The following PPAT variants were observed in gnomAD, a reference collection of about 807,000 sequenced individuals.
The protein encoded by PPAT is amidophosphoribosyltransferase.
PPAT carries 20 observed loss-of-function variants against 60.2 expected under a neutral mutation model. That is an observed-to-expected ratio of 0.33 (90% CI 0.23 to 0.48). The LOEUF is 0.48. Ranked by LOEUF, PPAT falls within the 20% of genes least tolerant of loss-of-function variation. The pLI, the probability that PPAT is intolerant of heterozygous loss-of-function variation, is 0.99. For synonymous variants in PPAT, 194 were observed against 215.1 expected (o/e 0.90, Z 0.86); for missense variants, 349 against 629.6 (o/e 0.55, Z 4.77).
intron 1 of PPAT, among the ~76,000 whole-genome samples, chr4:56,409,647 C>T (rs529915091): frequency 1.3e-5 from 2 of 152,264 alleles, no homozygotes; most frequent in East Asian, 1.9e-4. Context: ...AGTATAAACT[C>T]TCATAAAGGT....
chr4:56,406,354 A>G (rs1210843059), intron 3 of PPAT, 141 bp downstream of exon 3: 3 of 839,018 alleles, frequency 3.6e-6, no homozygotes, highest in East Asian at 5.3e-5. Context: ...ACTCCAGATC[A>G]TTCTGATGCA....
chr4:56,422,750 T>C (rs1399213885), intron 1 of PPAT: 1 of 152,178 alleles, frequency 6.6e-6, no homozygotes, highest in Non-Finnish European at 1.5e-5. Flanking sequence ...AATTATGTTA[T>C]AACATTATAT....
Position 56,393,759 on chromosome 4 carries a change from G to C in PPAT, c.*1593C>G, listed in dbSNP as rs1046545546. 1 of 152,530 alleles carries C rather than the reference G, an allele frequency of 6.6e-6. No homozygotes were observed. The highest frequency in any genetic ancestry group is 2.4e-5 in the African/African-American group (1 of 41,400). 9.4% of individuals were successfully genotyped at this position (152,530 alleles called of 1,614,324 possible). ...CTCTTGTTTTAAAAATCAAAGTAAG[G>C]CCAGTTCAAAATTGACCCACAGGTC... On this transcript the variant is annotated 3_prime_UTR_variant, in exon 11 of 11. Transcript: ENST00000264220.
chr4:56,419,996 T>G, intron 1 of PPAT: 1 of 985,076 alleles, frequency 1.0e-6, no homozygotes, highest in Non-Finnish European at 1.2e-6. Flanking sequence ...AATCCCAAGA[T>G]GGAGAACATG....
intron 9 of PPAT, among the ~76,000 whole-genome samples, chr4:56,398,185 A>G (rs1157333814): frequency 2.0e-5 from 3 of 152,192 alleles, no homozygotes; most frequent in Non-Finnish European, 2.9e-5. Context: ...CCTGGGCAAC[A>G]TGGTGAAACC....
chr4:56,401,265 T>A, intron 7 of PPAT, 65 bp downstream of exon 7: 1 of 1,420,180 alleles, frequency 7.0e-7, no homozygotes, highest in Non-Finnish European at 9.5e-7. Flanking sequence ...AGGCAAGAAT[T>A]GCCATGTTTC....
chr4:56,430,137 T>A (rs1717505076), intron 1 of PPAT, among the ~76,000 whole-genome samples: 1 of 152,190 alleles, frequency 6.6e-6, no homozygotes. Flanking sequence ...CATTACTTTT[T>A]AAAATCTATT....
At chr4:56,431,823 A>G (rs1717598227) in intron 1 of PPAT, among the ~76,000 whole-genome samples, 2 of 152,224 alleles carry the variant, frequency 1.3e-5, no homozygotes, top group South Asian at 2.1e-4. Context: ...TGGTTTGTTC[A>G]GAACTCCGCA....
At chr4:56,423,354 G>T (rs1193812229) in intron 1 of PPAT, 1 of 152,138 alleles carries the variant, frequency 6.6e-6, no homozygotes, top group Non-Finnish European at 1.5e-5. Flanking sequence ...AGGTGCAGTT[G>T]GCACATGCCT....
chr4:56,419,915 G>C, intron 1 of PPAT: 1 of 984,626 alleles, frequency 1.0e-6, no homozygotes, highest in Non-Finnish European at 1.2e-6. Context: ...GCATGACTAA[G>C]AGTATGAAAT....
chr4:56,413,411 TC>T (rs948491372), intron 1 of PPAT, among the ~76,000 whole-genome samples: 12 of 152,248 alleles, frequency 7.9e-5, no homozygotes, highest in African/African-American at 2.9e-4. Flanking sequence ...CACCTTGGCC[TC>T]CCAAAGTGCT....
intron 1 of PPAT, among the ~76,000 whole-genome samples, chr4:56,418,036 A>C (rs1716858885): frequency 6.6e-6 from 1 of 151,940 alleles, no homozygotes; most frequent in African/African-American, 2.4e-5. Flanking sequence ...ACAGGGTTTC[A>C]CCATGTTGGC....
intron 1 of PPAT, among the ~76,000 whole-genome samples, chr4:56,429,401 C>T (rs924673226): frequency 2.0e-5 from 3 of 152,150 alleles, no homozygotes; most frequent in African/African-American, 7.2e-5. Context: ...ATCAATATAA[C>T]ATTTTAATAA....
chr4:56,433,826 C>T (rs1290496280), intron 1 of PPAT, among the ~76,000 whole-genome samples: 3 of 152,086 alleles, frequency 2.0e-5, no homozygotes, highest in Non-Finnish European at 2.9e-5. Context: ...TCCGGAGTAG[C>T]TAGGACTACA....
intron 8 of PPAT, 83 bp downstream of exon 8, chr4:56,400,701 T>C: frequency 1.5e-6 from 2 of 1,360,712 alleles, no homozygotes; most frequent in Non-Finnish European, 2.0e-6. Flanking sequence ...TTAGAAATGT[T>C]GATGAGTTTC....
rs1312620588 is a variant in PPAT, at chr4:56,401,473, C to T, written c.743G>A (p.Arg248His). 1.9e-6 allele frequency: 3 copies of T among 1,594,886 alleles called. No homozygotes were observed. Among genetic ancestry groups the T allele is most frequent in the African/African-American group, 1.4e-5 (1 of 73,978 alleles). ...SFLSIGARYYREVLPGEIVEI... is the reference protein window; with the variant it reads ...SFLSIGARYYHEVLPGEIVEI... ...CACAATTTCTCCAGGCAAGACTTCACGGTAATATCTTGGGAAACAATGTTA... is the reference window on the plus strand; with the variant it reads ...CACAATTTCTCCAGGCAAGACTTCATGGTAATATCTTGGGAAACAATGTTA... Residue 248 changes from arginine to histidine, a missense_variant, in exon 7 of 11, where the codon CGT becomes CAT. Transcript: ENST00000264220.
At chr4:56,406,731 A>G (rs1716250688) in intron 2 of PPAT, 30 bp from the exon 3 acceptor site, 4 of 1,513,630 alleles carry the variant, frequency 2.6e-6, no homozygotes, top group Middle Eastern at 1.7e-4. Flanking sequence ...CAACTTAGAA[A>G]AAAACAGACT....
chr4:56,408,682 A>G (rs1212340540), intron 1 of PPAT, among the ~76,000 whole-genome samples: 3 of 144,382 alleles, frequency 2.1e-5, no homozygotes, highest in Non-Finnish European at 4.5e-5. Context: ...TGAACCCAGG[A>G]GGCGGAGCTT....
intron 7 of PPAT, 38 bp from the exon 8 acceptor site, chr4:56,400,949 T>A: frequency 6.4e-7 from 1 of 1,571,618 alleles, no homozygotes; most frequent in Non-Finnish European, 8.8e-7. Context: ...TATTTTTACT[T>A]AGCATGATAT....
Sources: allele counts gnomAD v4.1 joint callset (sites outside exome capture counted in the v4.1 genomes callset), GRCh38; gene constraint gnomAD v4.1.1; transcripts MANE v1.5; gene names NCBI Gene and HGNC (gene_info 2026-07-23, HGNC 2026-07-21).